The following RARB variants were observed in gnomAD, a reference collection of about 807,000 sequenced individuals.
The protein encoded by RARB is retinoic acid receptor beta, also known as HBV-activated protein.
Under a neutral mutation model 51.9 loss-of-function variants are expected in RARB, and 17 were observed. The observed-to-expected ratio is 0.33, with a 90% CI of 0.22 to 0.49. RARB has a LOEUF of 0.49. Ranked by LOEUF, RARB falls within the 20% of genes least tolerant of loss-of-function variation. RARB has a pLI of 0.99. For missense variants in RARB, 369 were observed against 550.8 expected (o/e 0.67, Z 3.30); for synonymous variants, 215 against 195.4 (o/e 1.10, Z -0.84).
At chr3:25,235,057 G>T (rs1028747959) in intron 5 of RARB, among the ~76,000 whole-genome samples, 2 of 152,154 alleles carry the variant, frequency 1.3e-5, no homozygotes, top group African/African-American at 4.8e-5. Context: ...AGAAATAGGA[G>T]TTTCTATCAG....
At chr3:25,203,239 G>T (rs1701442967) in intron 5 of RARB, among the ~76,000 whole-genome samples, 1 of 152,114 alleles carries the variant, frequency 6.6e-6, no homozygotes, top group Admixed American at 6.6e-5. Flanking sequence ...TTTTATCAGA[G>T]ACTAGGATTG....
At chr3:25,401,112 G>T (rs1167496087) in intron 5 of RARB, among the ~76,000 whole-genome samples, 2 of 152,124 alleles carry the variant, frequency 1.3e-5, no homozygotes, top group African/African-American at 4.8e-5. Context: ...ATCTCATGGT[G>T]CCAGAAAGAC....
At chr3:25,532,013 C>G (rs1231494665) in intron 3 of RARB, among the ~76,000 whole-genome samples, 4 of 152,062 alleles carry the variant, frequency 2.6e-5, no homozygotes. Flanking sequence ...AGATTTTGAG[C>G]TGTGCAGTTT....
At chr3:24,861,504 A>G (rs1702746333) in intron 2 of RARB, among the ~76,000 whole-genome samples, 1 of 151,612 alleles carries the variant, frequency 6.6e-6, no homozygotes, top group East Asian at 1.9e-4. Context: ...AGTTATGCCT[A>G]TTGATATTTA....
intron 5 of RARB, among the ~76,000 whole-genome samples, chr3:25,226,087 G>C (rs9310773): frequency 3.3e-5 from 5 of 152,078 alleles, no homozygotes; most frequent in African/African-American, 1.2e-4. Flanking sequence ...TAAAAATTCA[G>C]TGTTACAGGA....
At chr3:25,032,852 G>A (rs1697903553) in intron 2 of RARB, among the ~76,000 whole-genome samples, 1 of 152,170 alleles carries the variant, frequency 6.6e-6, no homozygotes, top group Non-Finnish European at 1.5e-5. Context: ...GGACTAGATT[G>A]TGTTGTGGTA....
chr3:25,317,946 T>C (rs1387639892), intron 5 of RARB, among the ~76,000 whole-genome samples: 2 of 152,094 alleles, frequency 1.3e-5, no homozygotes, highest in South Asian at 2.1e-4. Context: ...TTAGTCTGAA[T>C]TGATGAAGCT....
intron 5 of RARB, among the ~76,000 whole-genome samples, chr3:25,585,149 A>G (rs79040348): frequency 6.6e-6 from 1 of 152,138 alleles, no homozygotes; most frequent in Non-Finnish European, 1.5e-5. Context: ...TACAATGAAG[A>G]TGGCAATAGA....
intron 2 of RARB, among the ~76,000 whole-genome samples, chr3:24,983,765 A>T (rs1381401846): frequency 6.6e-6 from 1 of 152,150 alleles, no homozygotes; most frequent in African/African-American, 2.4e-5. Flanking sequence ...CCTCAGCATC[A>T]TGGGTAAATC....
At chr3:24,830,513 C>T (rs548262868) in intron 1 of RARB, among the ~76,000 whole-genome samples, 34 of 148,814 alleles carry the variant, frequency 2.3e-4, no homozygotes, top group Non-Finnish European at 4.4e-4. Context: ...ACCCCTCCGC[C>T]CCGCCCCCTT....
chr3:24,856,773 T>C (rs1245404496), intron 1 of RARB, among the ~76,000 whole-genome samples: 1 of 152,200 alleles, frequency 6.6e-6, no homozygotes, highest in Non-Finnish European at 1.5e-5. Context: ...TCTGCCTTAA[T>C]TTCCCCTCTG....
chr3:24,912,975 C>CTTTTTTTTTTTTTTTTTTTTTTTTT lies in RARB; in HGVS notation c.-380+54245_-380+54246insTTTTTTTTTTTTTTTTTTTTTTTTT, dbSNP rs386396163. ...GCAATACGCACACAAGGTACTGATT[C>CTTTTTTTTTTTTTTTTTTTTTTTTT]TTTTTTTTTTTTTTTTTTTTTTGGA... On this transcript the variant is annotated intron_variant, in intron 2 of 11. Coordinates refer to the RARB transcript ENST00000383772. Among the ~76,000 whole-genome samples, 169 of 75,040 alleles carry CTTTTTTTTTTTTTTTTTTTTTTTTT rather than the reference C, an allele frequency of 2.3e-3. 43 individuals carry two copies. Among genetic ancestry groups the CTTTTTTTTTTTTTTTTTTTTTTTTT allele is most frequent in the Admixed American group, 5.0e-3 (22 of 4,424 alleles). 49.2% of individuals were successfully genotyped at this position (75,040 alleles called of 152,430 possible). A position where few individuals can be genotyped will look rare whatever the true frequency, so the allele number is the denominator to read the frequency against.
chr3:25,424,832 T>C (rs1707946944), upstream of RARB, among the ~76,000 whole-genome samples: 1 of 152,252 alleles, frequency 6.6e-6, no homozygotes, highest in Admixed American at 6.5e-5. Flanking sequence ...TTGCAGAGCA[T>C]GATTCATGGT....
chr3:24,952,712 C>T (rs1249944629), intron 2 of RARB, among the ~76,000 whole-genome samples: 3 of 152,100 alleles, frequency 2.0e-5, no homozygotes, highest in African/African-American at 7.2e-5. Context: ...AAAGCTCTCG[C>T]TCCCCCATTA....
At chr3:25,456,407 C>G (rs1694905321) in intron 1 of RARB, among the ~76,000 whole-genome samples, 1 of 152,042 alleles carries the variant, frequency 6.6e-6, no homozygotes, top group Admixed American at 6.6e-5. Flanking sequence ...TATGTTTTTG[C>G]TACCTTACCA....
intron 2 of RARB, among the ~76,000 whole-genome samples, chr3:24,945,174 T>C (rs115352069): frequency 0.014 from 2,198 of 152,340 alleles, 55 homozygotes; most frequent in African/African-American, 0.049. Flanking sequence ...AAACTTCTTT[T>C]GGTTTTATGG....
chr3:25,432,134 CAA>C (rs1436239716), intron 1 of RARB, among the ~76,000 whole-genome samples: 1 of 151,990 alleles, frequency 6.6e-6, no homozygotes, highest in Non-Finnish European at 1.5e-5. Flanking sequence ...CCTTAAATCG[CAA>C]AGAGAGTACA....
At chr3:25,510,298 T>C (rs1697823479) in intron 3 of RARB, among the ~76,000 whole-genome samples, 1 of 152,196 alleles carries the variant, frequency 6.6e-6, no homozygotes, top group South Asian at 2.1e-4. Flanking sequence ...GTTTTCAGTA[T>C]CTTCACCTGT....
chr3:25,532,243 C>A (rs1393158952), intron 3 of RARB, among the ~76,000 whole-genome samples: 1 of 152,114 alleles, frequency 6.6e-6, no homozygotes, highest in Non-Finnish European at 1.5e-5. Flanking sequence ...TATTGAATAT[C>A]CCTAAACCCC....
Sources: allele counts gnomAD v4.1 joint callset (sites outside exome capture counted in the v4.1 genomes callset), GRCh38; gene constraint gnomAD v4.1.1; transcripts MANE v1.5; gene names NCBI Gene and HGNC (gene_info 2026-07-23, HGNC 2026-07-21).